RAD50: variants seen among roughly 807,000 people sequenced by gnomAD.
The protein encoded by RAD50 is DNA repair protein RAD50.
Under a neutral mutation model 168.8 loss-of-function variants are expected in RAD50, and 132 were observed. The observed-to-expected ratio is 0.78, with a 90% CI of 0.68 to 0.90. The LOEUF is 0.90. RAD50 is among the 40% of genes least tolerant of loss of function. RAD50 has a pLI of 0.00. For synonymous variants in RAD50, 525 were observed against 497.4 expected, an observed-to-expected ratio of 1.06 and a Z score of -0.74; for missense variants, 1,347 against 1,534.4, an observed-to-expected ratio of 0.88 and a Z score of 2.04.
intron 3 of RAD50, among the ~76,000 whole-genome samples, chr5:132,578,524 CTTTTTTTTTTTTTTTT>C (rs903882684): frequency 2.4e-5 from 2 of 84,342 alleles, no homozygotes; most frequent in Non-Finnish European, 4.5e-5. Context: ...TTTTTTCTTT[CTTTTTTTTTTTTTTTT>C]TTTTTTTTGA....
intron 15 of RAD50, 40 bp downstream of exon 15, chr5:132,604,086 G>A (rs1338955030): frequency 6.2e-7 from 1 of 1,608,358 alleles, no homozygotes; most frequent in Non-Finnish European, 8.5e-7. Context: ...TAGAGACTTT[G>A]ACATTGCGAG....
intron 4 of RAD50, 141 bp downstream of exon 4, chr5:132,579,643 G>A (rs1750468834): frequency 3.3e-6 from 3 of 904,432 alleles, no homozygotes; most frequent in Admixed American, 2.4e-5. Context: ...CAACCATTGG[G>A]CATATTTTCT....
intron 21 of RAD50, among the ~76,000 whole-genome samples, chr5:132,618,762 G>A (rs1356338120): frequency 6.6e-6 from 1 of 152,098 alleles, no homozygotes; most frequent in African/African-American, 2.4e-5. Context: ...ACACACACTA[G>A]CTTAAGTTAT....
At chr5:132,581,486 G>T (rs1273561316) in intron 5 of RAD50, among the ~76,000 whole-genome samples, 1 of 152,054 alleles carries the variant, frequency 6.6e-6, no homozygotes, top group East Asian at 1.9e-4. Flanking sequence ...AGTTATAAAA[G>T]GATATTAGGT....
At chr5:132,637,850 G>A (rs2149863276) in intron 22 of RAD50, among the ~76,000 whole-genome samples, 2 of 152,174 alleles carry the variant, frequency 1.3e-5, no homozygotes, top group East Asian at 3.8e-4. Flanking sequence ...ACTCTTAACA[G>A]GGAAACTAAG....
intron 2 of RAD50, among the ~76,000 whole-genome samples, chr5:132,570,418 T>C (rs1255212189): frequency 6.6e-6 from 1 of 152,260 alleles, no homozygotes; most frequent in African/African-American, 2.4e-5. Context: ...ACATTGAAAA[T>C]CTGTTGTTTA....
At chr5:132,573,349 A>C (rs772608950) in intron 2 of RAD50, among the ~76,000 whole-genome samples, 3 of 152,196 alleles carry the variant, frequency 2.0e-5, no homozygotes, top group Non-Finnish European at 4.4e-5. Flanking sequence ...CATGTCTCAC[A>C]TGGTGGCAAA....
At chr5:132,561,804 G>A (rs1750129428) in intron 2 of RAD50, among the ~76,000 whole-genome samples, 1 of 151,186 alleles carries the variant, frequency 6.6e-6, no homozygotes, top group Admixed American at 6.6e-5. Flanking sequence ...ACCCCCGCCA[G>A]TTTTGTAAAT....
At chr5:132,607,405 C>T (rs545548869) in intron 16 of RAD50, among the ~76,000 whole-genome samples, 1 of 152,222 alleles carries the variant, frequency 6.6e-6, no homozygotes, top group African/African-American at 2.4e-5. Flanking sequence ...CATTTGACAT[C>T]CCTTATATAG....
chr5:132,619,856 A>C lies in RAD50; in HGVS notation c.3389+1562A>C, dbSNP rs1422398316. On this transcript the variant is annotated intron_variant, in intron 21 of 24. Transcript: ENST00000378823. ...TCTCTCTATATATATATATATAAAG[A>C]TATATATATATAAAGATATATATAT... is the stretch of plus-strand genomic sequence containing the variant. Among the ~76,000 whole-genome samples, 251 of 92,062 alleles carry C rather than the reference A, an allele frequency of 2.7e-3. 2 individuals carry two copies. The highest frequency in any genetic ancestry group is 0.014 in the South Asian group (40 of 2,940). 60.4% of individuals were successfully genotyped at this position (92,062 alleles called of 152,430 possible). A position where few individuals can be genotyped will look rare whatever the true frequency, so the allele number is the denominator to read the frequency against.
At chr5:132,587,135 A>G (rs954397766) in intron 5 of RAD50, among the ~76,000 whole-genome samples, 2 of 152,166 alleles carry the variant, frequency 1.3e-5, no homozygotes, top group African/African-American at 4.8e-5. Context: ...GGATTAAAGT[A>G]TACTCTTCAT....
rs876659727 is a variant in RAD50 at position 132,575,854 on chromosome 5, A to G, written c.291A>G (p.Gln97=). 8 of 1,606,528 alleles carry G rather than the reference A, an allele frequency of 5.0e-6. No individual in the cohort carries two copies. The highest frequency in any genetic ancestry group is 1.7e-4 in the Middle Eastern group (1 of 6,052). ...TCAATGGAGAACTTATAGCTGTGCA[A>G]AGATCTATGGTGTGTACTCAGAAAA... ...RDVNGELIAV[Q]RSMVCTQKSK... Residue 97 remains glutamine (Q), a synonymous_variant, in exon 3 of 25, where the codon CAA becomes CAG. Coordinates refer to ENST00000378823, the MANE Select transcript of RAD50 (RefSeq NM_005732.4).
Position 132,594,914 on chromosome 5 carries a change from T to A in RAD50, c.1839T>A (p.Asn613Lys). The change falls in exon 12 of 25, where the codon AAT becomes AAA. Residue 613 changes from asparagine (N) to lysine (K), a missense_variant. Transcript: ENST00000378823. ...SSEQNKNHIN[N>K]ELKRKEEQLS... is the part of the protein sequence containing the mutation. ...AGCAGAATAAAAATCATATAAATAA[T>A]GAACTAAAAAGAAAGGAAGAGCAGT... 6.2e-7 allele frequency: 1 copy of A among 1,607,462 alleles called. No homozygotes were observed. The highest frequency in any genetic ancestry group is 2.2e-5 in the East Asian group (1 of 44,822).
rs536306081 is a variant in RAD50, at chr5:132,590,579, G to A, written c.1453-645G>A. Among the ~76,000 whole-genome samples the A allele has an allele frequency of 5.3e-5, 8 of 152,252 alleles. No individual in the cohort carries two copies. The South Asian group carries it at 1.0e-3, about 20-fold the overall frequency. The stretch of plus-strand genomic sequence containing the variant: ...TTTTTGCTGTATTATTACTTTTTCT[G>A]TGTTAAAAACTTTCTTAGCCAATCT... On this transcript the variant is annotated intron_variant, in intron 9 of 24. Coordinates refer to ENST00000378823, the MANE Select transcript of RAD50 (RefSeq NM_005732.4).
chr5:132,595,928 T>C (rs1750785110), intron 13 of RAD50, 118 bp downstream of exon 13: 1 of 860,872 alleles, frequency 1.2e-6, no homozygotes, highest in Admixed American at 1.8e-5. Flanking sequence ...TGCCCTGTCT[T>C]ATATCACTTC....
At chr5:132,581,311 G>C (rs1314281925) in intron 5 of RAD50, among the ~76,000 whole-genome samples, 1 of 151,996 alleles carries the variant, frequency 6.6e-6, no homozygotes, top group Non-Finnish European at 1.5e-5. Flanking sequence ...GTAGAGACGG[G>C]GTTTCTCCAT....
intron 21 of RAD50, among the ~76,000 whole-genome samples, chr5:132,619,025 T>C (rs1247663336): frequency 6.6e-6 from 1 of 152,234 alleles, no homozygotes; most frequent in Non-Finnish European, 1.5e-5. Context: ...ACTTGCTTTT[T>C]TATTTGGATT....
At chr5:132,629,968 T>C (rs1751434413) in intron 21 of RAD50, among the ~76,000 whole-genome samples, 1 of 152,152 alleles carries the variant, frequency 6.6e-6, no homozygotes, top group South Asian at 2.1e-4. Context: ...ACTCAAGATA[T>C]GGTGTTCTAC....
At position 132,637,191 on chromosome 5, in the gene RAD50, C is replaced by T. The variant is rs535261113; in HGVS notation, c.3466C>T (p.Arg1156Cys). ...ACGTGACCTGTGGCGAAGTACCTAT[C>T]GTGGACAAGGTGAGTACCATGGTGT... ...IIRDLWRSTY[R>C]GQDIEYIEIR... Residue 1156 changes from arginine to cysteine, a missense_variant, in exon 22 of 25, where the codon CGT (arginine) becomes TGT (cysteine). Transcript: ENST00000378823. The T allele has an allele frequency of 3.7e-5, 60 of 1,611,462 alleles. No individual in the cohort carries two copies. Among genetic ancestry groups the T allele is most frequent in the South Asian group, 3.1e-4 (28 of 91,024 alleles).
Sources: gnomAD v4.1 joint callset for allele counts (sites outside exome capture counted in the v4.1 genomes callset) on GRCh38, gnomAD v4.1.1 for gene constraint, MANE v1.5 for transcripts, NCBI Gene and HGNC (gene_info 2026-07-23, HGNC 2026-07-21) for gene names.